Variants in DNTTIP2 observed in about 807,000 individuals in gnomAD.
DNTTIP2 encodes the protein deoxynucleotidyltransferase terminal interacting protein 2.
In DNTTIP2, 47 loss-of-function variants were observed where a neutral mutation model predicts 62.4. The observed-to-expected ratio is 0.75, with a 90% CI of 0.60 to 0.96. The LOEUF is 0.96. Among genes scored for constraint, DNTTIP2 ranks in the 40% least tolerant of loss-of-function variants. The pLI is 0.00. For missense variants in DNTTIP2, 870 were observed against 849.1 expected (o/e 1.02, Z -0.31); for synonymous variants, 322 against 300.9 (o/e 1.07, Z -0.73).
chr1:93,869,628 CT>C lies in DNTTIP2; in HGVS notation c.*222del. 2.6e-6 allele frequency: 1 copy of C among 382,216 alleles called. No individual in the cohort carries two copies. Among genetic ancestry groups the C allele is most frequent in the Non-Finnish European group, 4.8e-6 (1 of 207,208 alleles). The allele number at this position is 382,216 out of a possible 1,614,324, so 23.7% of individuals were successfully genotyped here. The stretch of plus-strand genomic sequence containing the variant: ...CTTAAAATGGTTGAGATTTTTTTTC[CT>C]TTTTTCCCATAAAGAGTCTACACCA... On this transcript the variant is annotated 3_prime_UTR_variant, in exon 7 of 7. Coordinates refer to ENST00000436063, the MANE Select transcript of DNTTIP2 (RefSeq NM_014597.5).
intron 4 of DNTTIP2, among the ~76,000 whole-genome samples, chr1:93,872,888 T>A (rs5776196): frequency 0.37 from 55,778 of 151,078 alleles, 11,073 homozygotes; most frequent in East Asian, 0.62. Flanking sequence ...ATATATATAT[T>A]TTTTTAAAAA....
intron 1 of DNTTIP2, among the ~76,000 whole-genome samples, chr1:93,878,257 C>T (rs4847265): frequency 0.38 from 57,451 of 151,880 alleles, 11,116 homozygotes; most frequent in East Asian, 0.57. Context: ...TGAGCCGAGG[C>T]TGCGCCACTG....
At chr1:93,871,828 G>C (rs774186515) in intron 5 of DNTTIP2, among the ~76,000 whole-genome samples, 6 of 152,168 alleles carry the variant, frequency 3.9e-5, no homozygotes, top group Non-Finnish European at 7.4e-5. Flanking sequence ...AACTTTATAG[G>C]TTCAACAGGT....
Position 93,879,126 on chromosome 1 carries a change from C to G in DNTTIP2, c.23G>C (p.Arg8Pro), listed in dbSNP as rs755759648. 4 of 1,613,422 alleles carry G rather than the reference C, an allele frequency of 2.5e-6. No homozygotes were observed. Among genetic ancestry groups the G allele is most frequent in the African/African-American group, 1.3e-5 (1 of 74,950 alleles). Residue 8 changes from arginine (R) to proline (P), a missense_variant, in exon 1 of 7, where the codon CGG becomes CCG. By Grantham distance (103) the Arg-to-Pro change is moderately radical. Coordinates refer to ENST00000436063, the MANE Select transcript of DNTTIP2 (RefSeq NM_014597.5). ...CGCGGCTTGGATGCTGGCCTTAGCCCGTGCAGATCTGGTAACCACCATCTT... is the reference window on the plus strand; with the variant it reads ...CGCGGCTTGGATGCTGGCCTTAGCCGGTGCAGATCTGGTAACCACCATCTT... MVVTRSA[R>P]AKASIQAASA...
rs1262674317 is a variant in DNTTIP2 at position 93,875,632 on chromosome 1, A to G, written c.1806+13T>C. The stretch of plus-strand genomic sequence containing the variant: ...GTTAGTTCTGTGAAAACCTAACAGC[A>G]CAATTAACTTACCTCATTTTTCTTT... On this transcript the variant is annotated intron_variant, in intron 3 of 6. Coordinates refer to ENST00000436063, the MANE Select transcript of DNTTIP2 (RefSeq NM_014597.5). 2 of 1,604,358 alleles carry G rather than the reference A, an allele frequency of 1.2e-6. No homozygotes were observed. Among genetic ancestry groups the G allele is most frequent in the Non-Finnish European group, 1.7e-6 (2 of 1,177,414 alleles).
intron 6 of DNTTIP2, 62 bp from the exon 7 acceptor site, chr1:93,870,006 T>C (rs2100881845): frequency 6.9e-6 from 5 of 726,872 alleles, no homozygotes; most frequent in Non-Finnish European, 1.3e-5. Flanking sequence ...TAATATAACC[T>C]TAGGGTAAAA....
At position 93,869,913 on chromosome 1, in the gene DNTTIP2, C is replaced by G. The variant is rs765053450; in HGVS notation, c.2209G>C (p.Ala737Pro). 5 of 779,878 alleles carry G rather than the reference C, an allele frequency of 6.4e-6. No individual in the cohort carries two copies. Among genetic ancestry groups the G allele is most frequent in the Non-Finnish European group, 1.2e-5 (5 of 417,632 alleles). The allele number at this position is 779,878 out of a possible 1,614,324, so 48.3% of individuals were successfully genotyped here. Residue 737 changes from alanine (A) to proline (P), a missense_variant, in exon 7 of 7, where the codon GCT becomes CCT. Transcript: ENST00000436063. ...YNRRKYSEIM[A>P]EKAANAAGKK... ...CCTGCTGCATTTGCTGCTTTTTCAG[C>G]CATGATCTCTGAGTACTTCCTTCGG...
At position 93,876,851 on chromosome 1, in the gene DNTTIP2, AT is replaced by A; in HGVS notation, c.1083del (p.Lys361AsnfsTer3). On this transcript the variant is annotated frameshift_variant, in exon 2 of 7. Coordinates refer to ENST00000436063, the MANE Select transcript of DNTTIP2 (RefSeq NM_014597.5). LOFTEE classifies it high-confidence loss of function. ...ACAGTTGCAAATGTTTGAGTTAATG[AT>A]TTCATTACAGCCTCAGAGTTCAGAT... ...HSNLNSEAVM[K>X]SLTQTFATVE... 6.2e-7 allele frequency: 1 copy of A among 1,613,944 alleles called. No individual in the cohort carries two copies. Among genetic ancestry groups the A allele is most frequent in the Non-Finnish European group, 8.5e-7 (1 of 1,179,882 alleles).
chr1:93,878,142 CAA>C (rs373239228), intron 1 of DNTTIP2, among the ~76,000 whole-genome samples: 1,903 of 151,934 alleles, frequency 0.013, 32 homozygotes, highest in African/African-American at 0.044. Context: ...CATCTCTACT[CAA>C]AGTAAAAAAA....
At chr1:93,873,425 G>GT (rs1655919586) in intron 3 of DNTTIP2, 1 of 218,302 alleles carries the variant, frequency 4.6e-6, no homozygotes, top group Non-Finnish European at 8.2e-6. Context: ...GACCCTGACT[G>GT]TAAAAAAAAA....
chr1:93,875,643 A>G lies in DNTTIP2; in HGVS notation c.1806+2T>C. The G allele has an allele frequency of 6.2e-7, 1 of 1,606,456 alleles. No individual in the cohort carries two copies. The highest frequency in any genetic ancestry group is 8.5e-7 in the Non-Finnish European group (1 of 1,177,980). ...GAAAACCTAACAGCACAATTAACTT[A>G]CCTCATTTTTCTTTTTCTCCTTGAT... On this transcript the variant is annotated splice_donor_variant, in intron 3 of 6. Transcript: ENST00000436063. LOFTEE classifies it high-confidence loss of function.
chr1:93,878,951 G>T, intron 1 of DNTTIP2, 126 bp downstream of exon 1: 1 of 1,275,020 alleles, frequency 7.8e-7, no homozygotes, highest in Non-Finnish European at 1.1e-6. Context: ...GGAGACCCAA[G>T]CGCGCGGCAA....
At chr1:93,870,918 G>T (rs1321287314) in intron 5 of DNTTIP2, 126 bp from the exon 6 acceptor site, 2 of 421,250 alleles carry the variant, frequency 4.7e-6, no homozygotes, top group East Asian at 3.9e-5. Flanking sequence ...TAATAGTAAT[G>T]TAAATTTTGC....
In DNTTIP2 at chr1:93,877,231, T is replaced by A; in HGVS notation, c.704A>T (p.Asn235Ile). The change falls in exon 2 of 7, where the codon AAT becomes ATT. Residue 235 changes from asparagine to isoleucine, a missense_variant. Asn to Ile is a moderately radical substitution (Grantham distance 149). Transcript: ENST00000436063. ...NEKQIVGTPV[N>I]SEDSDTRQTS... is the part of the protein sequence containing the mutation. ...TTGTCTGGTATCTGAATCCTCTGAA[T>A]TCACAGGTGTACCCACGATCTGTTT... The A allele has an allele frequency of 3.1e-6, 5 of 1,613,958 alleles. No individual in the cohort carries two copies. Among genetic ancestry groups the A allele is most frequent in the Non-Finnish European group, 4.2e-6 (5 of 1,179,870 alleles).
chr1:93,870,541 A>G (rs1018510753), intron 6 of DNTTIP2, 142 bp downstream of exon 6: 3 of 443,804 alleles, frequency 6.8e-6, no homozygotes, highest in African/African-American at 6.1e-5. Flanking sequence ...GCACTAAATT[A>G]TTTTTCATAA....
chr1:93,876,372 TTC>T lies in DNTTIP2; in HGVS notation c.1561_1562del (p.Glu521ArgfsTer5). On this transcript the variant is annotated frameshift_variant, in exon 2 of 7. Coordinates refer to ENST00000436063, the MANE Select transcript of DNTTIP2 (RefSeq NM_014597.5). LOFTEE classifies it high-confidence loss of function. ...CTTCACTTTTTTCATCCTCTTCCTC[TTC>T]TTTTTCTTCCTCAATGGCAACCTCA... ...ASEVAIEEEK[E>X]EEEDEKSEED... 3 of 1,576,184 alleles carry T rather than the reference TTC, an allele frequency of 1.9e-6. No homozygotes were observed. Among genetic ancestry groups the T allele is most frequent in the Non-Finnish European group, 2.6e-6 (3 of 1,159,438 alleles).
intron 5 of DNTTIP2, among the ~76,000 whole-genome samples, chr1:93,871,833 A>AC (rs1295427103): frequency 2.0e-5 from 3 of 152,218 alleles, no homozygotes; most frequent in Non-Finnish European, 4.4e-5. Flanking sequence ...TATAGGTTCA[A>AC]CAGGTTTTAG....
rs553865698 is a variant in DNTTIP2, at chr1:93,875,839, T to A, written c.1668-56A>T. The A allele has an allele frequency of 9.2e-6, 14 of 1,521,602 alleles. No individual in the cohort carries two copies. In the East Asian group the frequency reaches 2.8e-4, roughly 31 times the overall value. 94.3% of individuals were successfully genotyped at this position (1,521,602 alleles called of 1,614,324 possible). The stretch of plus-strand genomic sequence containing the variant: ...GTAATTAAATCAAAATGGAAACATA[T>A]AAGATGGCATTTTAAAAAATCACTT... On this transcript the variant is annotated intron_variant, in intron 2 of 6. Coordinates refer to ENST00000436063, the MANE Select transcript of DNTTIP2 (RefSeq NM_014597.5).
intron 3 of DNTTIP2, among the ~76,000 whole-genome samples, chr1:93,873,651 G>A (rs567022579): frequency 3.3e-4 from 49 of 150,364 alleles, no homozygotes; most frequent in African/African-American, 1.2e-3. Flanking sequence ...GAAAAAAAAG[G>A]CCAGGCACGA....
Sources: allele counts gnomAD v4.1 joint callset (sites outside exome capture counted in the v4.1 genomes callset), GRCh38; gene constraint gnomAD v4.1.1; transcripts MANE v1.5; gene names NCBI Gene and HGNC (gene_info 2026-07-23, HGNC 2026-07-21).